The following SUCLG2 variants were observed in gnomAD, a reference collection of about 807,000 sequenced individuals.
The protein encoded by SUCLG2 is succinate-CoA ligase GDP-forming subunit beta.
In SUCLG2, 42 loss-of-function variants were observed where a neutral mutation model predicts 47.9. That is an observed-to-expected ratio of 0.88 (90% CI 0.69 to 1.14). SUCLG2 has a LOEUF of 1.14. Among genes scored for constraint, SUCLG2 ranks in the 50% most tolerant of loss-of-function variants. The pLI, the probability that SUCLG2 is intolerant of heterozygous loss-of-function variation, is 0.00. For missense variants in SUCLG2, 571 were observed against 525.9 expected, an observed-to-expected ratio of 1.09 and a Z score of -0.84; for synonymous variants, 195 against 197.3, an observed-to-expected ratio of 0.99 and a Z score of 0.10.
At position 67,393,680 on chromosome 3, in the gene SUCLG2, G is replaced by A. The variant is rs61525242; in HGVS notation, c.1183+7051C>T. On this transcript the variant is annotated intron_variant, in intron 10 of 10. Coordinates refer to ENST00000307227, the MANE Select transcript of SUCLG2 (RefSeq NM_003848.4). ...CTTTGAAGAGAGCAGTGGTTCTCCT[G>A]GCACGCAGCTGGAGATCTGAGAACG... 6.3e-3 allele frequency among the ~76,000 whole-genome samples: 963 copies of A among 152,060 alleles called. 7 individuals are homozygous for A. Among genetic ancestry groups the A allele is most frequent in the African/African-American group, 0.018 (763 of 41,556 alleles).
Position 67,495,836 on chromosome 3 carries a change from C to T in SUCLG2, c.1024G>A (p.Val342Ile). Residue 342 changes from valine to isoleucine, a missense_variant, in exon 9 of 11, where the codon GTA (valine) becomes ATA (isoleucine). By Grantham distance (29) the Val-to-Ile change is conservative. Coordinates refer to ENST00000307227, the MANE Select transcript of SUCLG2 (RefSeq NM_003848.4). Reference sequence around the variant, plus strand: ...GTGAGCAATTTGAATGCTTGATATACTTGAGCTTCCTTTACACCACCTCCA... The same window carrying T: ...GTGAGCAATTTGAATGCTTGATATATTTGAGCTTCCTTTACACCACCTCCA... ...DLGGGVKEAQ[V>I]YQAFKLLTAD... is the part of the protein sequence containing the mutation. 6.2e-7 allele frequency: 1 copy of T among 1,613,990 alleles called. No individual in the cohort carries two copies. Among genetic ancestry groups the T allele is most frequent in the Non-Finnish European group, 8.5e-7 (1 of 1,179,960 alleles).
At chr3:67,405,080 G>A (rs1471099983) in intron 9 of SUCLG2, among the ~76,000 whole-genome samples, 3 of 151,252 alleles carry the variant, frequency 2.0e-5, no homozygotes, top group African/African-American at 4.9e-5. Flanking sequence ...TCTAATTCTC[G>A]GGTGAGAATT....
At chr3:67,487,841 T>G (rs962832078) in intron 9 of SUCLG2, among the ~76,000 whole-genome samples, 4 of 152,138 alleles carry the variant, frequency 2.6e-5, no homozygotes, top group African/African-American at 9.7e-5. Flanking sequence ...GAATTTATCT[T>G]ATATGAATAA....
chr3:67,392,604 C>T (rs1217687854), intron 10 of SUCLG2, among the ~76,000 whole-genome samples: 1 of 152,148 alleles, frequency 6.6e-6, no homozygotes, highest in Non-Finnish European at 1.5e-5. Flanking sequence ...CACTGCCTTA[C>T]CTTAGAGAAA....
At chr3:67,635,393 G>A (rs965984035) in intron 1 of SUCLG2, among the ~76,000 whole-genome samples, 1 of 152,152 alleles carries the variant, frequency 6.6e-6, no homozygotes, top group African/African-American at 2.4e-5. Flanking sequence ...TATTTACATT[G>A]TGTGTATCAG....
At chr3:67,519,927 G>A (rs1706049020) in intron 5 of SUCLG2, among the ~76,000 whole-genome samples, 1 of 152,098 alleles carries the variant, frequency 6.6e-6, no homozygotes, top group South Asian at 2.1e-4. Context: ...GATTAAATTT[G>A]ACCTCAGATC....
At chr3:67,550,072 C>T (rs908881092) in intron 2 of SUCLG2, among the ~76,000 whole-genome samples, 9 of 152,200 alleles carry the variant, frequency 5.9e-5, no homozygotes, top group Non-Finnish European at 1.2e-4. Flanking sequence ...ATTGACACTT[C>T]TGAATTCAGC....
At chr3:67,482,986 C>A (rs1704956535) in intron 9 of SUCLG2, among the ~76,000 whole-genome samples, 1 of 152,008 alleles carries the variant, frequency 6.6e-6, no homozygotes, top group South Asian at 2.1e-4. Flanking sequence ...ATGAAAAAAC[C>A]CACAGATAAG....
chr3:67,403,974 C>T (rs1396275641), intron 9 of SUCLG2, among the ~76,000 whole-genome samples: 1 of 152,216 alleles, frequency 6.6e-6, no homozygotes, highest in Non-Finnish European at 1.5e-5. Context: ...CAACCTCCGC[C>T]TCCTGGGTTC....
chr3:67,578,447 ATG>A (rs1465562564), intron 2 of SUCLG2, among the ~76,000 whole-genome samples: 1 of 152,078 alleles, frequency 6.6e-6, no homozygotes, highest in Non-Finnish European at 1.5e-5. Context: ...TGTTTTCAAA[ATG>A]TCTTAGATTG....
Position 67,536,596 on chromosome 3 carries a change from T to C in SUCLG2, c.227-7410A>G, listed in dbSNP as rs74711103. Among the ~76,000 whole-genome samples the C allele has an allele frequency of 4.4e-3, 677 of 152,354 alleles. 8 individuals carry two copies. The East Asian group carries it at 0.054, about 12-fold the overall frequency. ...GCTGCCCAGTCGTCTTCTTCTCATT[T>C]AGACACATCATCCATCAGGAACCCT... is the stretch of plus-strand genomic sequence containing the variant. On this transcript the variant is annotated intron_variant, in intron 2 of 10. Transcript: ENST00000307227.
chr3:67,616,177 G>A (rs1700625360), intron 1 of SUCLG2, among the ~76,000 whole-genome samples: 1 of 152,042 alleles, frequency 6.6e-6, no homozygotes, highest in Admixed American at 6.6e-5. Flanking sequence ...GTTACAACAT[G>A]GGGGATGTCA....
intron 2 of SUCLG2, among the ~76,000 whole-genome samples, chr3:67,546,935 T>TCATCACA (rs1706881390): frequency 2.0e-5 from 3 of 152,220 alleles, no homozygotes; most frequent in Middle Eastern, 6.8e-3. Context: ...TCATATTGCA[T>TCATCACA]CATCACAGCT....
chr3:67,493,700 T>C (rs1705260288), intron 9 of SUCLG2, among the ~76,000 whole-genome samples: 1 of 152,176 alleles, frequency 6.6e-6, no homozygotes, highest in Admixed American at 6.5e-5. Flanking sequence ...TCGTCTGTCC[T>C]CTGGGTACTG....
chr3:67,528,839 T>C (rs1301682239), intron 3 of SUCLG2, among the ~76,000 whole-genome samples: 1 of 152,182 alleles, frequency 6.6e-6, no homozygotes, highest in Non-Finnish European at 1.5e-5. Context: ...ACATTTATGA[T>C]GAATCATTGA....
At chr3:67,419,951 G>C (rs368680242) in intron 9 of SUCLG2, among the ~76,000 whole-genome samples, 28 of 152,264 alleles carry the variant, frequency 1.8e-4, no homozygotes, top group East Asian at 1.3e-3. Context: ...AAACAGAAAA[G>C]ACACTGCAAG....
intron 9 of SUCLG2, among the ~76,000 whole-genome samples, chr3:67,451,718 T>C (rs918172164): frequency 2.6e-5 from 4 of 152,162 alleles, no homozygotes; most frequent in Non-Finnish European, 5.9e-5. Context: ...TAAAAGATGG[T>C]AAATATCTCA....
intron 3 of SUCLG2, among the ~76,000 whole-genome samples, chr3:67,528,865 G>A (rs1321913368): frequency 6.6e-6 from 1 of 152,122 alleles, no homozygotes; most frequent in Non-Finnish European, 1.5e-5. Context: ...TAGGACAGAA[G>A]GACTGTCAAG....
intron 2 of SUCLG2, among the ~76,000 whole-genome samples, chr3:67,574,873 A>C (rs2107244256): frequency 6.6e-6 from 1 of 152,350 alleles, no homozygotes; most frequent in East Asian, 1.9e-4. Context: ...GACAAACCTC[A>C]ATCAAAAAAT....
Sources: gnomAD v4.1 joint callset for allele counts (sites outside exome capture counted in the v4.1 genomes callset) on GRCh38, gnomAD v4.1.1 for gene constraint, MANE v1.5 for transcripts, NCBI Gene and HGNC (gene_info 2026-07-23, HGNC 2026-07-21) for gene names.